Variants in CCDC158 observed in about 807,000 individuals in gnomAD.
CCDC158 encodes coiled-coil domain containing 158, also known as coiled-coil domain-containing protein 158.
In CCDC158, 116 loss-of-function variants were observed where a neutral mutation model predicts 138.6. That is an observed-to-expected ratio of 0.84 (90% CI 0.72 to 0.98). CCDC158 has a LOEUF of 0.98. CCDC158 is among the 50% of genes least tolerant of loss of function. CCDC158 has a pLI of 0.00. For missense variants in CCDC158, 1,265 were observed against 1,306.1 expected, an observed-to-expected ratio of 0.97 and a Z score of 0.48; for synonymous variants, 436 against 442.4, an observed-to-expected ratio of 0.99 and a Z score of 0.18.
At chr4:76,409,917 A>T (rs1238949807) in intron 2 of CCDC158, among the ~76,000 whole-genome samples, 1 of 152,030 alleles carries the variant, frequency 6.6e-6, no homozygotes, top group East Asian at 1.9e-4. Flanking sequence ...TGCCAAAAAA[A>T]AAAAGGTCTA....
intron 4 of CCDC158, among the ~76,000 whole-genome samples, chr4:76,385,435 C>T (rs756332369): frequency 2.6e-5 from 4 of 152,066 alleles, no homozygotes; most frequent in Admixed American, 6.5e-5. Context: ...ATTCAAGAGA[C>T]ATTATCAGCA....
chr4:76,340,215 CAT>C (rs1320298169), intron 18 of CCDC158, among the ~76,000 whole-genome samples: 1 of 152,236 alleles, frequency 6.6e-6, no homozygotes, highest in African/African-American at 2.4e-5. Flanking sequence ...GGATTTTTGA[CAT>C]GTGTCAAAAT....
At chr4:76,359,567 T>C (rs1178089404) in intron 13 of CCDC158, among the ~76,000 whole-genome samples, 1 of 152,206 alleles carries the variant, frequency 6.6e-6, no homozygotes, top group Non-Finnish European at 1.5e-5. Flanking sequence ...AAGATCATTC[T>C]TGCTATGCTT....
At chr4:76,353,425 T>G in intron 15 of CCDC158, 144 bp from the exon 16 acceptor site, 1 of 611,416 alleles carries the variant, frequency 1.6e-6, no homozygotes, top group Non-Finnish European at 2.8e-6. Context: ...TGAGTTGTGG[T>G]TGGGAGCTGC....
Position 76,396,486 on chromosome 4 carries a change from C to T in CCDC158, c.71G>A (p.Gly24Asp). Residue 24 changes from glycine (G) to aspartate (D), a missense_variant and splice_region_variant, in exon 4 of 25, where the codon GGT becomes GAT. By Grantham distance (94) the Gly-to-Asp change is moderately conservative. Coordinates refer to ENST00000682701, the MANE Select transcript of CCDC158 (RefSeq NM_001394954.1). ...TGACACAAAAAATGAACTTGAAGAA[C>T]CTAAATATTAAAGAATTCATTAATT... ...LSSSGVTSNGGSSSSFFVSSI... is the reference protein window; with the variant it reads ...LSSSGVTSNGDSSSSFFVSSI... 6.3e-7 allele frequency: 1 copy of T among 1,592,702 alleles called. No homozygotes were observed. The highest frequency in any genetic ancestry group is 8.5e-7 in the Non-Finnish European group (1 of 1,169,958).
chr4:76,382,772 A>G (rs750783415), intron 7 of CCDC158, 52 bp from the exon 8 acceptor site: 3 of 1,210,528 alleles, frequency 2.5e-6, no homozygotes, highest in African/African-American at 1.5e-5. Flanking sequence ...TTTCCTGACT[A>G]TGAATTATTT....
intron 1 of CCDC158, among the ~76,000 whole-genome samples, chr4:76,412,785 T>C (rs1366306145): frequency 1.3e-5 from 2 of 152,174 alleles, no homozygotes; most frequent in Non-Finnish European, 2.9e-5. Context: ...AGCACTTATC[T>C]AAATCATGTT....
chr4:76,398,791 A>G (rs2109844924), intron 3 of CCDC158, among the ~76,000 whole-genome samples: 1 of 152,292 alleles, frequency 6.6e-6, no homozygotes, highest in East Asian at 1.9e-4. Context: ...GATACATTCT[A>G]TAATAACTGG....
chr4:76,416,098 G>A (rs114115262), intron 1 of CCDC158, among the ~76,000 whole-genome samples: 4,451 of 152,186 alleles, frequency 0.029, 220 homozygotes, highest in African/African-American at 0.1. Flanking sequence ...GAAAGTACTA[G>A]AAGTCTCTGA....
intron 2 of CCDC158, among the ~76,000 whole-genome samples, chr4:76,405,112 T>C (rs187191860): frequency 6.6e-6 from 1 of 152,190 alleles, no homozygotes; most frequent in East Asian, 1.9e-4. Flanking sequence ...TATTAAGACT[T>C]TAAAGATAAT....
chr4:76,344,831 G>C, intron 18 of CCDC158: 1 of 1,597,526 alleles, frequency 6.3e-7, no homozygotes, highest in Non-Finnish European at 8.6e-7. Context: ...AACCGGGAGA[G>C]GGTGAAGGGT....
In CCDC158 at chr4:76,367,527, GC is replaced by G. The variant is rs1238217506; in HGVS notation, c.1596del (p.Glu532AspfsTer5). 6.2e-7 allele frequency: 1 copy of G among 1,614,050 alleles called. No individual in the cohort carries two copies. Among genetic ancestry groups the G allele is most frequent in the South Asian group, 1.1e-5 (1 of 91,084 alleles). On this transcript the variant is annotated frameshift_variant, in exon 12 of 25. Coordinates refer to ENST00000682701, the MANE Select transcript of CCDC158 (RefSeq NM_001394954.1). LOFTEE classifies it high-confidence loss of function. ...LRSRVDLKLQ[E>X]LQHLKNEGDH... ...TCCCCTTCATTTTTCAAGTGTTGCA[GC>G]TCCTGCAATTTCAAGTCCACCCGGG...
chr4:76,327,981 T>C (rs1034816393), intron 22 of CCDC158, among the ~76,000 whole-genome samples: 4 of 152,190 alleles, frequency 2.6e-5, no homozygotes, highest in Admixed American at 6.5e-5. Flanking sequence ...AAAATTCCTT[T>C]TGTGTAATTT....
chr4:76,333,659 G>A (rs1001394903), intron 19 of CCDC158, among the ~76,000 whole-genome samples: 9 of 152,158 alleles, frequency 5.9e-5, no homozygotes, highest in Non-Finnish European at 1.2e-4. Flanking sequence ...GACCTTTTGA[G>A]ATGTGTTTTT....
intron 18 of CCDC158, among the ~76,000 whole-genome samples, chr4:76,343,612 C>T (rs1722263757): frequency 6.6e-6 from 1 of 152,072 alleles, no homozygotes; most frequent in African/African-American, 2.4e-5. Context: ...ACCAGCCTGG[C>T]CAACATGGCA....
intron 4 of CCDC158, among the ~76,000 whole-genome samples, chr4:76,395,118 G>A (rs1195342574): frequency 6.6e-6 from 1 of 152,072 alleles, no homozygotes; most frequent in African/African-American, 2.4e-5. Flanking sequence ...TCTGTTAGGG[G>A]ATAAACATAG....
chr4:76,371,591 A>C lies in CCDC158; in HGVS notation c.1030-55T>G, dbSNP rs141377402. On this transcript the variant is annotated intron_variant, in intron 9 of 24. Coordinates refer to ENST00000682701, the MANE Select transcript of CCDC158 (RefSeq NM_001394954.1). ...CTGATTATGACAGTGGGTAATATAA[A>C]ATAAATATAGACTTTGGAAAACAAA... The C allele has an allele frequency of 1.4e-3, 2,133 of 1,579,012 alleles. 5 individuals are homozygous for C. Among genetic ancestry groups the C allele is most frequent in the South Asian group, 3.5e-3 (302 of 87,320 alleles).
intron 9 of CCDC158, chr4:76,375,727 G>C (rs1725660308): frequency 1.5e-6 from 1 of 665,080 alleles, no homozygotes; most frequent in Non-Finnish European, 2.7e-6. Context: ...GAGAAGAATA[G>C]AAAACAGCAT....
chr4:76,328,025 T>C (rs1399023722), intron 22 of CCDC158, among the ~76,000 whole-genome samples: 4 of 152,236 alleles, frequency 2.6e-5, no homozygotes, highest in Non-Finnish European at 5.9e-5. Flanking sequence ...ACATCTATTT[T>C]ATTTTTCATT....
Sources: allele counts gnomAD v4.1 joint callset (sites outside exome capture counted in the v4.1 genomes callset), GRCh38; gene constraint gnomAD v4.1.1; transcripts MANE v1.5; gene names NCBI Gene and HGNC (gene_info 2026-07-23, HGNC 2026-07-21).